CCDC178: variants seen among roughly 807,000 people sequenced by gnomAD.
CCDC178 encodes the protein coiled-coil domain containing 178, also known as coiled-coil domain-containing protein 178.
In CCDC178, 126 loss-of-function variants were observed where a neutral mutation model predicts 117.4. The ratio of observed to expected loss-of-function variants is 1.07; its 90% CI spans 0.93 to 1.24. The LOEUF (loss-of-function observed/expected upper bound fraction) is 1.24. Among genes scored for constraint, CCDC178 ranks in the 50% most tolerant of loss-of-function variants. The probability of loss-of-function intolerance (pLI) is 0.00; values close to 1 mark genes in which losing one functional copy is unlikely to be tolerated. For synonymous variants in CCDC178, 283 were observed against 313.4 expected, an observed-to-expected ratio of 0.90 and a Z score of 1.02; for missense variants, 1,030 against 986.9, an observed-to-expected ratio of 1.04 and a Z score of -0.59.
chr18:33,358,556 A>C (rs896567463), intron 6 of CCDC178, among the ~76,000 whole-genome samples: 79 of 152,064 alleles, frequency 5.2e-4, no homozygotes, highest in African/African-American at 1.8e-3. Context: ...GATTTGAAAT[A>C]AAATCAATGT....
intron 20 of CCDC178, among the ~76,000 whole-genome samples, chr18:33,172,588 A>G (rs1402380185): frequency 6.6e-6 from 1 of 152,108 alleles, no homozygotes; most frequent in Non-Finnish European, 1.5e-5. Flanking sequence ...ACATTCTACT[A>G]TGAACAAATC....
chr18:32,952,460 G>A (rs964091989), intron 22 of CCDC178, among the ~76,000 whole-genome samples: 2 of 152,148 alleles, frequency 1.3e-5, no homozygotes, highest in African/African-American at 2.4e-5. Context: ...CTGTATCTTG[G>A]CCCCTTTTAG....
chr18:33,188,543 T>G (rs1379532949), intron 20 of CCDC178, among the ~76,000 whole-genome samples: 1 of 148,136 alleles, frequency 6.8e-6, no homozygotes, highest in African/African-American at 2.6e-5. Flanking sequence ...TGAGAAGAAT[T>G]AGATCCACCT....
intron 22 of CCDC178, among the ~76,000 whole-genome samples, chr18:32,962,608 T>C (rs1053507570): frequency 2.6e-5 from 4 of 152,122 alleles, no homozygotes; most frequent in African/African-American, 9.6e-5. Flanking sequence ...CCATTTTTTC[T>C]GATAAGATGT....
chr18:33,156,150 G>A (rs1290967689), intron 20 of CCDC178, among the ~76,000 whole-genome samples: 1 of 145,048 alleles, frequency 6.9e-6, no homozygotes, highest in Non-Finnish European at 1.5e-5. Flanking sequence ...GTGCAATGGC[G>A]TGATCTTGGC....
intron 11 of CCDC178, among the ~76,000 whole-genome samples, chr18:33,317,970 G>C (rs1310046670): frequency 1.3e-5 from 2 of 152,100 alleles, no homozygotes; most frequent in Admixed American, 6.5e-5. Context: ...GCAGCACCGT[G>C]ACCATTGCCA....
At position 33,215,561 on chromosome 18, in the gene CCDC178, A is replaced by T. The variant is rs2144601275; in HGVS notation, c.2067T>A (p.Leu689=). The part of the protein sequence containing the change: ...EEEKKSFDQT[L]EILKNKFITM... Reference sequence around the variant, plus strand: ...GTTTAAGTACTTACTTTAATATTTCAAGTGTCTGATCAAAACTTTTCTTTT... The same window carrying T: ...GTTTAAGTACTTACTTTAATATTTCTAGTGTCTGATCAAAACTTTTCTTTT... The change falls in exon 19 of 23, where the codon CTT becomes CTA. Residue 689 remains leucine, a synonymous_variant. Coordinates refer to ENST00000383096, the MANE Select transcript of CCDC178 (RefSeq NM_001105528.4). 1 of 1,409,990 alleles carries T rather than the reference A, an allele frequency of 7.1e-7. No individual in the cohort carries two copies. Among genetic ancestry groups the T allele is most frequent in the East Asian group, 2.6e-5 (1 of 37,854 alleles). 87.3% of individuals were successfully genotyped at this position (1,409,990 alleles called of 1,614,324 possible). A position where few individuals can be genotyped will look rare whatever the true frequency, so the allele number is the denominator to read the frequency against.
chr18:33,264,041 T>G (rs371059531), intron 14 of CCDC178, among the ~76,000 whole-genome samples: 11 of 152,202 alleles, frequency 7.2e-5, no homozygotes, highest in African/African-American at 2.6e-4. Flanking sequence ...CTATTCACAC[T>G]GTTTAAGAGA....
chr18:33,279,399 G>A (rs1373405948), intron 12 of CCDC178, among the ~76,000 whole-genome samples: 1 of 152,008 alleles, frequency 6.6e-6, no homozygotes, highest in Non-Finnish European at 1.5e-5. Flanking sequence ...AACTTACAAG[G>A]GACGTGAAGG....
intron 22 of CCDC178, 52 bp from the exon 23 acceptor site, chr18:32,938,143 A>G (rs2054160744): frequency 8.2e-7 from 1 of 1,214,142 alleles, no homozygotes; most frequent in South Asian, 1.2e-5. Context: ...TTAATTAAGA[A>G]AACAGAGCAT....
At chr18:32,969,600 C>A (rs1457543792) in intron 22 of CCDC178, among the ~76,000 whole-genome samples, 1 of 151,944 alleles carries the variant, frequency 6.6e-6, no homozygotes, top group Non-Finnish European at 1.5e-5. Flanking sequence ...TTTAAACATT[C>A]CAACTTTTTA....
intron 4 of CCDC178, among the ~76,000 whole-genome samples, chr18:33,390,868 TACAC>T (rs1248865778): frequency 7.9e-5 from 12 of 151,876 alleles, no homozygotes; most frequent in African/African-American, 2.4e-4. Flanking sequence ...TATAAATACA[TACAC>T]ACATACATAC....
chr18:33,077,679 G>C (rs2057233313), intron 21 of CCDC178, among the ~76,000 whole-genome samples: 1 of 152,088 alleles, frequency 6.6e-6, no homozygotes, highest in Admixed American at 6.6e-5. Context: ...AGAAAACCTA[G>C]GAGAGATGGA....
Position 33,085,330 on chromosome 18 carries a change from G to A in CCDC178, c.2388+7431C>T, listed in dbSNP as rs181907799. ...TGTAATCCCGGCACTTTGGGAGGCC[G>A]AGGCGGGCGGATCACGAGGTCAGGG... On this transcript the variant is annotated intron_variant, in intron 21 of 22. Coordinates refer to ENST00000383096, the MANE Select transcript of CCDC178 (RefSeq NM_001105528.4). Among the ~76,000 whole-genome samples, 1,113 of 152,304 alleles carry A rather than the reference G, an allele frequency of 7.3e-3. 8 individuals are homozygous for A. The highest frequency in any genetic ancestry group is 0.012 in the Non-Finnish European group (818 of 68,020).
intron 15 of CCDC178, among the ~76,000 whole-genome samples, chr18:33,232,121 G>A (rs1265776571): frequency 6.6e-6 from 1 of 152,180 alleles, no homozygotes; most frequent in African/African-American, 2.4e-5. Flanking sequence ...GAAGCCTGGA[G>A]CAAAGGAAGT....
chr18:33,262,195 GAAA>G (rs1297305523), intron 14 of CCDC178, among the ~76,000 whole-genome samples: 1 of 152,078 alleles, frequency 6.6e-6, no homozygotes, highest in Non-Finnish European at 1.5e-5. Context: ...ACAGATGAAG[GAAA>G]AAATGTGAAA....
chr18:33,342,731 T>C (rs139569627), intron 9 of CCDC178, among the ~76,000 whole-genome samples: 1 of 152,328 alleles, frequency 6.6e-6, no homozygotes, highest in Non-Finnish European at 1.5e-5. Flanking sequence ...AGAGCTTCCC[T>C]AGCCAACTCA....
At chr18:33,117,503 T>A (rs762827038) in intron 20 of CCDC178, among the ~76,000 whole-genome samples, 3 of 151,918 alleles carry the variant, frequency 2.0e-5, no homozygotes, top group Non-Finnish European at 4.4e-5. Flanking sequence ...TGGTTGCAGG[T>A]TGATTACACT....
chr18:33,030,784 G>C (rs72479862), intron 21 of CCDC178, among the ~76,000 whole-genome samples: 3,540 of 152,086 alleles, frequency 0.023, 68 homozygotes, highest in East Asian at 0.04. Flanking sequence ...TAGATAAGAA[G>C]ATAGATAGAT....
Sources: gnomAD v4.1 joint callset for allele counts (sites outside exome capture counted in the v4.1 genomes callset) on GRCh38, gnomAD v4.1.1 for gene constraint, MANE v1.5 for transcripts, NCBI Gene and HGNC (gene_info 2026-07-23, HGNC 2026-07-21) for gene names.